Variants in ADARB2 observed in about 807,000 individuals in gnomAD.
The protein encoded by ADARB2 is inactive double-stranded RNA-specific editase B2.
ADARB2 carries 25 observed loss-of-function variants against 62.2 expected under a neutral mutation model. The ratio of observed to expected loss-of-function variants is 0.40; its 90% confidence interval spans 0.29 to 0.56. The LOEUF is 0.56. Ranked by LOEUF, ADARB2 falls within the 20% of genes least tolerant of loss-of-function variation. ADARB2 has a pLI of 0.43. For synonymous variants in ADARB2, 572 were observed against 500.8 expected (o/e 1.14, Z -1.90); for missense variants, 1,071 against 1,077.4 (o/e 0.99, Z 0.08).
At chr10:1,285,769 T>C (rs1268612549) in intron 3 of ADARB2, among the ~76,000 whole-genome samples, 1 of 152,224 alleles carries the variant, frequency 6.6e-6, no homozygotes, top group Non-Finnish European at 1.5e-5. Flanking sequence ...ACTCAAACTT[T>C]ACTCATTTCC....
At chr10:1,254,562 G>A (rs1462483977) in intron 4 of ADARB2, among the ~76,000 whole-genome samples, 2 of 152,224 alleles carry the variant, frequency 1.3e-5, no homozygotes, top group East Asian at 3.8e-4. Context: ...TCCTTGTGAG[G>A]TTCCTGAAAA....
At chr10:1,212,427 CA>C (rs1228492759) in intron 7 of ADARB2, among the ~76,000 whole-genome samples, 1 of 152,218 alleles carries the variant, frequency 6.6e-6, no homozygotes, top group Non-Finnish European at 1.5e-5. Flanking sequence ...GGCAGATACA[CA>C]AGTACCTTCT....
At chr10:1,458,619 C>A (rs149849782) in intron 1 of ADARB2, among the ~76,000 whole-genome samples, 2 of 152,302 alleles carry the variant, frequency 1.3e-5, no homozygotes, top group African/African-American at 2.4e-5. Flanking sequence ...ATGGCTTCCA[C>A]GGTGCCCTCT....
intron 1 of ADARB2, among the ~76,000 whole-genome samples, chr10:1,529,988 G>A (rs1832206220): frequency 6.6e-6 from 1 of 151,200 alleles, no homozygotes; most frequent in African/African-American, 2.4e-5. Context: ...TCCTGCCACT[G>A]TGGGCACCCG....
chr10:1,672,242 G>A (rs924043939), intron 1 of ADARB2, among the ~76,000 whole-genome samples: 1 of 152,128 alleles, frequency 6.6e-6, no homozygotes, highest in Non-Finnish European at 1.5e-5. Context: ...TTGCAGCTTG[G>A]GGCTCCTGTG....
intron 1 of ADARB2, among the ~76,000 whole-genome samples, chr10:1,536,362 C>A (rs561060524): frequency 1.3e-5 from 2 of 152,350 alleles, no homozygotes; most frequent in Admixed American, 6.5e-5. Flanking sequence ...GCCTTGAGAA[C>A]TGAGAAATAA....
chr10:1,721,404 C>T lies in ADARB2; in HGVS notation c.100+15647G>A, dbSNP rs555779387. 3.9e-4 allele frequency among the ~76,000 whole-genome samples: 59 copies of T among 152,214 alleles called. 1 individual carries two copies. Among genetic ancestry groups the T allele is most frequent in the African/African-American group, 1.4e-3 (59 of 41,534 alleles). On this transcript the variant is annotated intron_variant, in intron 1 of 9. Transcript: ENST00000381312. The stretch of plus-strand genomic sequence containing the variant: ...TTTAAAAGTACCACCTTACTGTCAG[C>T]GTGTTTTCTATATTTTCCCAAGTAG...
chr10:1,618,182 A>G (rs1833665653), intron 1 of ADARB2, among the ~76,000 whole-genome samples: 1 of 152,202 alleles, frequency 6.6e-6, no homozygotes, highest in Non-Finnish European at 1.5e-5. Context: ...GAGTCACAGA[A>G]TTGCTCTGTA....
chr10:1,547,598 G>C (rs1224144598), intron 1 of ADARB2, among the ~76,000 whole-genome samples: 4 of 68,876 alleles, frequency 5.8e-5, no homozygotes, highest in African/African-American at 1.9e-4. Flanking sequence ...GCAAGTCTAT[G>C]CACTGTGTTG....
At chr10:1,587,338 C>G (rs1046083264) in intron 1 of ADARB2, among the ~76,000 whole-genome samples, 4 of 152,162 alleles carry the variant, frequency 2.6e-5, no homozygotes. Context: ...CAAAGGGGAA[C>G]GGCTGAGGTT....
chr10:1,400,400 G>A (rs1353687905), intron 1 of ADARB2, among the ~76,000 whole-genome samples: 3 of 152,190 alleles, frequency 2.0e-5, no homozygotes, highest in African/African-American at 7.2e-5. Context: ...GTGGTGAATC[G>A]CTGGCCTCTC....
At chr10:1,233,189 C>A (rs1021413922) in intron 6 of ADARB2, among the ~76,000 whole-genome samples, 11 of 152,144 alleles carry the variant, frequency 7.2e-5, no homozygotes, top group African/African-American at 2.2e-4. Context: ...TGGATGCGTT[C>A]TGTCTCACCT....
chr10:1,232,864 TG>T (rs1259286990), intron 6 of ADARB2, among the ~76,000 whole-genome samples: 1 of 150,728 alleles, frequency 6.6e-6, no homozygotes, highest in African/African-American at 2.4e-5. Flanking sequence ...ATGCGTGTAG[TG>T]TATGTGGTGT....
intron 1 of ADARB2, among the ~76,000 whole-genome samples, chr10:1,597,836 G>A (rs570733180): frequency 6.6e-6 from 1 of 152,158 alleles, no homozygotes; most frequent in Non-Finnish European, 1.5e-5. Context: ...GTTTATTGCA[G>A]CACTACTCAT....
intron 3 of ADARB2, among the ~76,000 whole-genome samples, chr10:1,339,956 C>T (rs1052223784): frequency 5.9e-5 from 9 of 152,072 alleles, no homozygotes; most frequent in African/African-American, 1.7e-4. Flanking sequence ...GGTGGGCTCA[C>T]AGCTGGGGGT....
At position 1,464,615 on chromosome 10, in the gene ADARB2, G is replaced by A. The variant is rs11814156; in HGVS notation, c.101-85455C>T. Among the ~76,000 whole-genome samples, 273 of 62,720 alleles carry A rather than the reference G, an allele frequency of 4.4e-3. 12 individuals carry two copies. Among genetic ancestry groups the A allele is most frequent in the African/African-American group, 0.015 (259 of 16,812 alleles). The allele number at this position is 62,720 out of a possible 152,430, so 41.1% of individuals were successfully genotyped here. A position where few individuals can be genotyped will look rare whatever the true frequency, so the allele number is the denominator to read the frequency against. On this transcript the variant is annotated intron_variant, in intron 1 of 9. Transcript: ENST00000381312. ...TGGACACACACTCCCCCACACACGC[G>A]CTGGGGGCAGTCACAGCGGGCAGCA... is the stretch of plus-strand genomic sequence containing the variant.
chr10:1,463,968 A>G (rs917062945), intron 1 of ADARB2, among the ~76,000 whole-genome samples: 1 of 152,232 alleles, frequency 6.6e-6, no homozygotes, highest in Non-Finnish European at 1.5e-5. Context: ...GCAAACGCAA[A>G]CCCCCATAAG....
chr10:1,730,056 T>C (rs947305321), intron 1 of ADARB2, among the ~76,000 whole-genome samples: 9 of 152,242 alleles, frequency 5.9e-5, no homozygotes, highest in Non-Finnish European at 1.3e-4. Context: ...CCTGAAGGTG[T>C]TGAGCTATCA....
chr10:1,551,966 A>AG (rs1272575405), intron 1 of ADARB2, among the ~76,000 whole-genome samples: 1 of 152,162 alleles, frequency 6.6e-6, no homozygotes. Flanking sequence ...TGGCCACCCC[A>AG]GGGGGGCGGA....
Sources: gnomAD v4.1 joint callset for allele counts (sites outside exome capture counted in the v4.1 genomes callset) on GRCh38, gnomAD v4.1.1 for gene constraint, MANE v1.5 for transcripts, NCBI Gene and HGNC (gene_info 2026-07-23, HGNC 2026-07-21) for gene names.